ATE1: variants seen among roughly 807,000 people sequenced by gnomAD.
ATE1 encodes the protein arginyltransferase 1, also known as arginyl-tRNA--protein transferase 1.
A neutral mutation model predicts 70.5 loss-of-function variants in ATE1; 36 were observed. The ratio of observed to expected loss-of-function variants is 0.51; its 90% CI spans 0.39 to 0.67. ATE1 has a LOEUF of 0.67. ATE1 is among the 30% of genes least tolerant of loss of function. The probability of loss-of-function intolerance (pLI) is 0.00; values close to 1 mark genes in which losing one functional copy is unlikely to be tolerated. For missense variants in ATE1, 593 were observed against 629.5 expected (o/e 0.94, Z 0.62); for synonymous variants, 232 against 219.3 (o/e 1.06, Z -0.51).
At chr10:121,913,747 C>T (rs1951534926) in intron 4 of ATE1, 43 bp downstream of exon 4, 1 of 1,400,774 alleles carries the variant, frequency 7.1e-7, no homozygotes, top group Non-Finnish European at 1.0e-6. Context: ...GGGACCGTTG[C>T]AAAGACAGAT....
chr10:121,921,279 G>T (rs1382444774), intron 3 of ATE1, among the ~76,000 whole-genome samples: 1 of 151,666 alleles, frequency 6.6e-6, no homozygotes, highest in Non-Finnish European at 1.5e-5. Flanking sequence ...TTATGTCTGA[G>T]TACCCAAGGT....
intron 10 of ATE1, among the ~76,000 whole-genome samples, chr10:121,814,499 G>A (rs530323401): frequency 1.3e-5 from 2 of 152,318 alleles, no homozygotes; most frequent in Non-Finnish European, 2.9e-5. Context: ...CCAACTTACT[G>A]CTGCATATCC....
chr10:121,914,384 A>T (rs1306531060), intron 3 of ATE1, among the ~76,000 whole-genome samples: 3 of 149,656 alleles, frequency 2.0e-5, no homozygotes, highest in Non-Finnish European at 4.4e-5. Context: ...TTTTTTTTTT[A>T]AAGAGAGAAA....
intron 7 of ATE1, among the ~76,000 whole-genome samples, chr10:121,893,138 G>A (rs1336084543): frequency 3.3e-5 from 5 of 151,978 alleles, no homozygotes; most frequent in African/African-American, 1.2e-4. Flanking sequence ...TTAGCCAGAA[G>A]TGGTGGCACA....
intron 11 of ATE1, among the ~76,000 whole-genome samples, chr10:121,762,491 G>A (rs1945084504): frequency 6.6e-6 from 1 of 152,168 alleles, no homozygotes; most frequent in African/African-American, 2.4e-5. Context: ...TGCATCTCCT[G>A]CCAGGGCCAC....
At position 121,759,416 on chromosome 10, in the gene ATE1, T is replaced by A. The variant is rs540852320; in HGVS notation, c.1379-15558A>T. ...TCATGAGGTTTAAGGAAAGAAGCCA[T>A]CTCCATAAAAGTACAAGGTGAAGCC... On this transcript the variant is annotated intron_variant, in intron 11 of 11. Transcript: ENST00000224652. Among the ~76,000 whole-genome samples the A allele has an allele frequency of 2.0e-5, 3 of 152,192 alleles. No individual in the cohort carries two copies. The South Asian group carries it at 6.2e-4, about 32-fold the overall frequency.
intron 7 of ATE1, among the ~76,000 whole-genome samples, chr10:121,878,390 C>T (rs1001842132): frequency 1.3e-4 from 19 of 151,936 alleles, no homozygotes; most frequent in Non-Finnish European, 2.6e-4. Context: ...GCCAGGAGTT[C>T]GAGACCAGCC....
chr10:121,870,683 G>A (rs999432697), intron 7 of ATE1, among the ~76,000 whole-genome samples: 3 of 151,848 alleles, frequency 2.0e-5, no homozygotes, highest in Non-Finnish European at 2.9e-5. Flanking sequence ...GACACACATA[G>A]AGGAATATAG....
At chr10:121,756,965 GATTTTCTTTTCTATTGT>G (rs2135750887) in intron 11 of ATE1, among the ~76,000 whole-genome samples, 1 of 152,270 alleles carries the variant, frequency 6.6e-6, no homozygotes, top group African/African-American at 2.4e-5. Context: ...CAGAAAATGG[GATTTTCTTTTCTATTGT>G]ATTGTCAGGC....
At chr10:121,834,396 A>G (rs1299491858) in intron 10 of ATE1, among the ~76,000 whole-genome samples, 1 of 152,208 alleles carries the variant, frequency 6.6e-6, no homozygotes, top group Non-Finnish European at 1.5e-5. Flanking sequence ...GTAAACCAGA[A>G]GGCAAGCAGG....
intron 7 of ATE1, among the ~76,000 whole-genome samples, chr10:121,895,919 C>T (rs1950763840): frequency 6.8e-6 from 1 of 146,854 alleles, no homozygotes; most frequent in South Asian, 2.1e-4. Flanking sequence ...TCTGTCTCCC[C>T]CCACCAAAAA....
intron 3 of ATE1, among the ~76,000 whole-genome samples, chr10:121,920,742 A>G (rs1194906191): frequency 6.6e-6 from 1 of 151,732 alleles, no homozygotes; most frequent in Non-Finnish European, 1.5e-5. Context: ...CGCCTGTAAT[A>G]TCAGCACTTT....
At chr10:121,781,156 C>A (rs1377778700) in intron 11 of ATE1, among the ~76,000 whole-genome samples, 1 of 135,640 alleles carries the variant, frequency 7.4e-6, no homozygotes, top group Non-Finnish European at 1.6e-5. Flanking sequence ...CATGAGGCAA[C>A]ATGCTACCTC....
intron 10 of ATE1, among the ~76,000 whole-genome samples, chr10:121,801,523 T>C (rs1244602532): frequency 1.4e-5 from 2 of 145,350 alleles, no homozygotes; most frequent in Non-Finnish European, 3.0e-5. Context: ...AAATAAGACA[T>C]AGAATGAAAG....
At chr10:121,858,343 T>C (rs1309551267) in intron 8 of ATE1, among the ~76,000 whole-genome samples, 2 of 151,958 alleles carry the variant, frequency 1.3e-5, no homozygotes, top group African/African-American at 2.4e-5. Flanking sequence ...AGTTACCGTT[T>C]TCCATTTTTT....
intron 7 of ATE1, among the ~76,000 whole-genome samples, chr10:121,882,698 G>A (rs972429657): frequency 2.2e-4 from 34 of 152,166 alleles, no homozygotes; most frequent in Non-Finnish European, 1.3e-4. Flanking sequence ...AGCACTGTTT[G>A]GCAGTACTGA....
chr10:121,756,796 A>G lies in ATE1; in HGVS notation c.1379-12938T>C, dbSNP rs529045991. The stretch of plus-strand genomic sequence containing the variant: ...ACAGGGACCCCTGGGCCCAGCCCAT[A>G]AAACCACTTTTTCCTCCTAGGTCTC... On this transcript the variant is annotated intron_variant, in intron 11 of 11. Transcript: ENST00000224652. Among the ~76,000 whole-genome samples the G allele has an allele frequency of 7.2e-5, 11 of 152,272 alleles. 1 individual carries two copies. In the South Asian group the frequency reaches 2.3e-3, roughly 32 times the overall value.
At chr10:121,897,304 T>C (rs1005057330) in intron 7 of ATE1, among the ~76,000 whole-genome samples, 2 of 152,186 alleles carry the variant, frequency 1.3e-5, no homozygotes, top group Non-Finnish European at 2.9e-5. Context: ...CAACTATTCC[T>C]ACCTGCTAAG....
At chr10:121,864,322 C>CG (rs1350766535) in intron 8 of ATE1, among the ~76,000 whole-genome samples, 1 of 152,212 alleles carries the variant, frequency 6.6e-6, no homozygotes, top group Admixed American at 6.5e-5. Context: ...CCAGCTCCCT[C>CG]ACATGGGCAG....
Sources: allele counts gnomAD v4.1 joint callset (sites outside exome capture counted in the v4.1 genomes callset), GRCh38; gene constraint gnomAD v4.1.1; transcripts MANE v1.5; gene names NCBI Gene and HGNC (gene_info 2026-07-23, HGNC 2026-07-21).